GATAD2A: variants seen among roughly 807,000 people sequenced by gnomAD.
The protein encoded by GATAD2A is transcriptional repressor p66-alpha.
A neutral mutation model predicts 68.5 loss-of-function variants in GATAD2A; 12 were observed. That is an observed-to-expected ratio of 0.18 (90% CI 0.11 to 0.28). GATAD2A has a LOEUF of 0.28. GATAD2A is among the 10% of genes least tolerant of loss of function. The pLI, the probability that GATAD2A is intolerant of heterozygous loss-of-function variation, is 1.00. For synonymous variants in GATAD2A, 410 were observed against 375.3 expected (o/e 1.09, Z -1.07); for missense variants, 755 against 868.5 (o/e 0.87, Z 1.64).
At chr19:19,402,194 G>A, upstream of GATAD2A, 1 of 151,908 alleles carries the variant, frequency 6.6e-6, no homozygotes. Context: ...GAGTAGCTGG[G>A]GCTACAGGCA....
chr19:19,414,095 G>A (rs2147155164), intron 1 of GATAD2A, among the ~76,000 whole-genome samples: 1 of 152,266 alleles, frequency 6.6e-6, no homozygotes, highest in Non-Finnish European at 1.5e-5. Flanking sequence ...GTTGGTGGTA[G>A]GAGTTGCCTG....
intron 1 of GATAD2A, among the ~76,000 whole-genome samples, chr19:19,393,158 C>T (rs1362017540): frequency 1.3e-5 from 2 of 152,118 alleles, no homozygotes; most frequent in Non-Finnish European, 2.9e-5. Flanking sequence ...CAAAAATTAG[C>T]TGGGCGTGGT....
intron 2 of GATAD2A, among the ~76,000 whole-genome samples, chr19:19,470,592 G>A (rs1396136424): frequency 6.6e-6 from 1 of 152,154 alleles, no homozygotes. Context: ...AGACAAAATT[G>A]GCAAGGTATG....
intron 1 of GATAD2A, among the ~76,000 whole-genome samples, chr19:19,459,524 G>T: frequency 6.6e-6 from 1 of 152,180 alleles, no homozygotes. Context: ...GGTGTTTTGA[G>T]TCCAGCCTGG....
chr19:19,454,201 T>C (rs1292883322), intron 1 of GATAD2A, among the ~76,000 whole-genome samples: 1 of 115,816 alleles, frequency 8.6e-6, no homozygotes, highest in East Asian at 2.3e-4. Context: ...TTCTCCATGT[T>C]GGTCAGCTGG....
intron 1 of GATAD2A, among the ~76,000 whole-genome samples, chr19:19,439,066 A>G (rs1367365020): frequency 6.6e-6 from 1 of 152,230 alleles, no homozygotes; most frequent in Admixed American, 6.5e-5. Context: ...CCAGGACCAC[A>G]TGAGCACAGT....
chr19:19,459,811 G>T (rs954311034), intron 1 of GATAD2A, among the ~76,000 whole-genome samples: 2 of 152,240 alleles, frequency 1.3e-5, no homozygotes, highest in African/African-American at 4.8e-5. Context: ...CCAAGTCTCT[G>T]TTCCCTGCTG....
At chr19:19,387,351 A>C (rs2048514125) in intron 1 of GATAD2A, among the ~76,000 whole-genome samples, 3 of 141,856 alleles carry the variant, frequency 2.1e-5, no homozygotes, top group Admixed American at 7.4e-5. Context: ...ACAGAGTCTC[A>C]TTCCGTCTCC....
chr19:19,417,603 C>T (rs1170495218), intron 1 of GATAD2A, among the ~76,000 whole-genome samples: 2 of 152,140 alleles, frequency 1.3e-5, no homozygotes, highest in Non-Finnish European at 2.9e-5. Context: ...GCACAGGTTG[C>T]TGTGGTTATT....
chr19:19,436,320 A>G lies in GATAD2A; in HGVS notation c.-6-29020A>G, dbSNP rs1381564269. The G allele has an allele frequency of 5.2e-6, 3 of 575,048 alleles. No individual in the cohort carries two copies. In the African/African-American group the frequency reaches 5.7e-5, roughly 11 times the overall value. The allele number at this position is 575,048 out of a possible 1,614,324, so 35.6% of individuals were successfully genotyped here. On this transcript the variant is annotated intron_variant, in intron 1 of 11. Coordinates refer to ENST00000683918, the MANE Select transcript of GATAD2A (RefSeq NM_001384528.1). ...CTTTAAAGTGAGTGCTGCTTCAGCC[A>G]CCTCCTAGAGAAGATGGAGGGAGGC...
At chr19:19,452,708 CA>C (rs2056517031) in intron 1 of GATAD2A, among the ~76,000 whole-genome samples, 1 of 152,036 alleles carries the variant, frequency 6.6e-6, no homozygotes, top group Non-Finnish European at 1.5e-5. Flanking sequence ...AAGCCACAGG[CA>C]AAATGTACCA....
chr19:19,418,254 G>T (rs766120136), intron 1 of GATAD2A, among the ~76,000 whole-genome samples: 3 of 152,172 alleles, frequency 2.0e-5, no homozygotes, highest in African/African-American at 7.2e-5. Context: ...AAGAGAGCAT[G>T]GCTCTCTGAC....
At chr19:19,453,453 A>G (rs576059070) in intron 1 of GATAD2A, among the ~76,000 whole-genome samples, 14 of 152,218 alleles carry the variant, frequency 9.2e-5, no homozygotes, top group African/African-American at 3.4e-4. Context: ...CAAAAGAGTT[A>G]ACCTTGAGTC....
At chr19:19,422,869 G>A (rs1052658288) in intron 1 of GATAD2A, among the ~76,000 whole-genome samples, 2 of 151,688 alleles carry the variant, frequency 1.3e-5, no homozygotes, top group Non-Finnish European at 2.9e-5. Flanking sequence ...CCACCACCAC[G>A]CCCGGCTAAT....
intron 1 of GATAD2A, among the ~76,000 whole-genome samples, chr19:19,435,398 A>AT (rs970888446): frequency 6.6e-6 from 1 of 151,890 alleles, no homozygotes; most frequent in Non-Finnish European, 1.5e-5. Flanking sequence ...TAATTTTTGT[A>AT]TTTTTTTGTA....
intron 7 of GATAD2A, among the ~76,000 whole-genome samples, chr19:19,496,679 G>A (rs2148443791): frequency 6.6e-6 from 1 of 152,326 alleles, no homozygotes; most frequent in East Asian, 1.9e-4. Context: ...CATGTCACCA[G>A]GTGCGCCTAT....
intron 2 of GATAD2A, among the ~76,000 whole-genome samples, chr19:19,478,610 A>G (rs1460109129): frequency 1.3e-5 from 2 of 151,990 alleles, no homozygotes; most frequent in Non-Finnish European, 1.5e-5. Flanking sequence ...AAAAGAAAAA[A>G]AATTTCAGCC....
chr19:19,503,061 G>A (rs763506261), intron 11 of GATAD2A, among the ~76,000 whole-genome samples: 1 of 152,226 alleles, frequency 6.6e-6, no homozygotes, highest in Non-Finnish European at 1.5e-5. Flanking sequence ...GGGGGTGAAG[G>A]TCCTCCAGTG....
At chr19:19,406,834 C>T (rs1296803655) in intron 1 of GATAD2A, among the ~76,000 whole-genome samples, 1 of 152,190 alleles carries the variant, frequency 6.6e-6, no homozygotes, top group Non-Finnish European at 1.5e-5. Flanking sequence ...CACTGGGACC[C>T]AGAAATGAAT....
Sources: allele counts gnomAD v4.1 joint callset (sites outside exome capture counted in the v4.1 genomes callset), GRCh38; gene constraint gnomAD v4.1.1; transcripts MANE v1.5; gene names NCBI Gene and HGNC (gene_info 2026-07-23, HGNC 2026-07-21).